HDAC4: variants seen among roughly 807,000 people sequenced by gnomAD.
The protein encoded by HDAC4 is histone deacetylase A.
In HDAC4, 16 loss-of-function variants were observed where a neutral mutation model predicts 135.1. That is an observed-to-expected ratio of 0.12 (90% CI 0.08 to 0.18). The LOEUF is 0.18. Among genes scored for constraint, HDAC4 ranks in the 10% least tolerant of loss-of-function variants. The probability of loss-of-function intolerance (pLI) is 1.00; values close to 1 mark genes in which losing one functional copy is unlikely to be tolerated. For missense variants in HDAC4, 1,143 were observed against 1,511.8 expected (o/e 0.76, Z 4.05); for synonymous variants, 685 against 653.4 (o/e 1.05, Z -0.74).
intron 5 of HDAC4, among the ~76,000 whole-genome samples, chr2:239,168,999 T>C (rs2043285812): frequency 6.6e-6 from 1 of 152,234 alleles, no homozygotes. Flanking sequence ...TGTTTTGGGC[T>C]GGTAAACGGA....
chr2:239,209,486 T>C (rs2046247326), intron 3 of HDAC4, among the ~76,000 whole-genome samples: 1 of 152,182 alleles, frequency 6.6e-6, no homozygotes, highest in Admixed American at 6.5e-5. Flanking sequence ...AACAAAAAGA[T>C]GGGATTCGTC....
chr2:239,286,459 A>G (rs2048765), intron 2 of HDAC4, among the ~76,000 whole-genome samples: 15,527 of 152,206 alleles, frequency 0.1, 1,384 homozygotes, highest in East Asian at 0.42. Context: ...TAAAAGTCCA[A>G]GGAGAGTTGA....
rs770656009 is a variant in HDAC4, at chr2:239,306,307, C to T, written c.22+46371G>A. ...TTCCAGGAGCTCCCTGGCCCATCCA[C>T]AGGTGGGTGAGCTCCCACCCAGGTC... is the stretch of plus-strand genomic sequence containing the variant. On this transcript the variant is annotated intron_variant, in intron 2 of 26. Transcript: ENST00000543185. This position sits in a 1 kb window ranked among gnomAD's most constrained non-coding sequence, Gnocchi z 4.5. Among the ~76,000 whole-genome samples the T allele has an allele frequency of 6.6e-6, 1 of 152,192 alleles. No homozygotes were observed. Among genetic ancestry groups the T allele is most frequent in the Non-Finnish European group, 1.5e-5 (1 of 68,022 alleles).
intron 4 of HDAC4, among the ~76,000 whole-genome samples, chr2:239,182,526 G>A (rs1195583387): frequency 6.6e-6 from 1 of 152,238 alleles, no homozygotes. Context: ...CTGTGGTGGA[G>A]TTTTAATGAA....
intron 2 of HDAC4, among the ~76,000 whole-genome samples, chr2:239,243,441 C>T (rs536377976): frequency 1.3e-5 from 2 of 152,278 alleles, no homozygotes; most frequent in Admixed American, 6.5e-5. Context: ...CGTGAGCCAC[C>T]GCTCCCGGCT....
At chr2:239,143,860 G>C (rs901927654) in intron 8 of HDAC4, among the ~76,000 whole-genome samples, 3 of 152,230 alleles carry the variant, frequency 2.0e-5, no homozygotes, top group Non-Finnish European at 4.4e-5. Context: ...GTGCAAACAT[G>C]TCCGCTGCCT....
At chr2:239,130,561 T>G (rs1051099057) in intron 11 of HDAC4, among the ~76,000 whole-genome samples, 1 of 139,010 alleles carries the variant, frequency 7.2e-6, no homozygotes, top group African/African-American at 2.5e-5. Context: ...CTTAAGACGC[T>G]GGTGGCATGC....
At chr2:239,246,653 C>T (rs1369586240) in intron 2 of HDAC4, among the ~76,000 whole-genome samples, 1 of 152,248 alleles carries the variant, frequency 6.6e-6, no homozygotes, top group Non-Finnish European at 1.5e-5. Context: ...GTCTCAGGGC[C>T]TCTCCTAGAC....
intron 3 of HDAC4, among the ~76,000 whole-genome samples, chr2:239,203,535 G>C (rs3791590): frequency 6.6e-6 from 1 of 152,114 alleles, no homozygotes; most frequent in Non-Finnish European, 1.5e-5. Flanking sequence ...CTGTGGTCTC[G>C]AAGCTGAACC....
At chr2:239,362,892 C>T (rs1453765182) in intron 1 of HDAC4, among the ~76,000 whole-genome samples, 5 of 152,266 alleles carry the variant, frequency 3.3e-5, no homozygotes, top group African/African-American at 1.2e-4. Flanking sequence ...AGTGTATACA[C>T]AGAAAACTCA....
chr2:239,065,530 C>T (rs1488323147), intron 24 of HDAC4, among the ~76,000 whole-genome samples: 1 of 152,184 alleles, frequency 6.6e-6, no homozygotes, highest in Non-Finnish European at 1.5e-5. Context: ...GGTGAAAATG[C>T]AGGTTTCCTG....
At chr2:239,238,341 C>A (rs1397188401) in intron 2 of HDAC4, among the ~76,000 whole-genome samples, 1 of 152,106 alleles carries the variant, frequency 6.6e-6, no homozygotes, top group Non-Finnish European at 1.5e-5. Flanking sequence ...TAACCCAAAT[C>A]CCACTATAAA....
At chr2:239,222,534 C>CA (rs10716644) in intron 3 of HDAC4, among the ~76,000 whole-genome samples, 59,819 of 112,170 alleles carry the variant, frequency 0.53, 16,854 homozygotes, top group South Asian at 0.71. Context: ...TACCCCATAC[C>CA]AAAAAAAAAA....
chr2:239,260,941 T>C (rs949000320), intron 2 of HDAC4, among the ~76,000 whole-genome samples: 2 of 151,654 alleles, frequency 1.3e-5, no homozygotes, highest in African/African-American at 4.8e-5. Context: ...ACGTGGAAGA[T>C]GACAAGGCCA....
At chr2:239,343,489 C>T (rs575294652) in intron 2 of HDAC4, among the ~76,000 whole-genome samples, 6 of 152,370 alleles carry the variant, frequency 3.9e-5, no homozygotes, top group South Asian at 4.1e-4. Context: ...AAAAAGCCTA[C>T]GTTGCAGGAC....
At chr2:239,096,711 A>T (rs1575010926) in intron 16 of HDAC4, among the ~76,000 whole-genome samples, 2 of 50,154 alleles carry the variant, frequency 4.0e-5, no homozygotes, top group African/African-American at 1.7e-4. Context: ...ACCCCACCCC[A>T]CGGACACCAG....
chr2:239,195,944 C>T (rs1170850806), intron 3 of HDAC4, among the ~76,000 whole-genome samples: 4 of 152,190 alleles, frequency 2.6e-5, no homozygotes, highest in East Asian at 1.9e-4. Flanking sequence ...TGATTTTCCA[C>T]GACATGCTTA....
chr2:239,184,817 T>C (rs614200), intron 4 of HDAC4, among the ~76,000 whole-genome samples: 197 of 17,726 alleles, frequency 0.011, 10 homozygotes, highest in South Asian at 0.031. Flanking sequence ...TCAGTGTCTG[T>C]CCTGGAGACT....
intron 3 of HDAC4, among the ~76,000 whole-genome samples, chr2:239,215,406 C>T (rs1184890705): frequency 6.6e-6 from 1 of 152,084 alleles, no homozygotes; most frequent in Non-Finnish European, 1.5e-5. Flanking sequence ...GAAGCAGGGT[C>T]GACGCCCCAG....
Sources: gnomAD v4.1 joint callset for allele counts (sites outside exome capture counted in the v4.1 genomes callset) on GRCh38, gnomAD v4.1.1 for gene constraint, Gnocchi (gnomAD v3.1) non-coding constraint, MANE v1.5 for transcripts, NCBI Gene and HGNC (gene_info 2026-07-23, HGNC 2026-07-21) for gene names.